ADGRL2: variants seen among roughly 807,000 people sequenced by gnomAD.
ADGRL2 encodes calcium-independent alpha-latrotoxin receptor 2.
Under a neutral mutation model 157.4 loss-of-function variants are expected in ADGRL2, and 44 were observed. The observed-to-expected ratio is 0.28, with a 90% CI of 0.22 to 0.36. The LOEUF is 0.36. ADGRL2 is among the 10% of genes least tolerant of loss of function. The probability of loss-of-function intolerance (pLI) is 1.00; values close to 1 mark genes in which losing one functional copy is unlikely to be tolerated. For synonymous variants in ADGRL2, 585 were observed against 624.7 expected, an observed-to-expected ratio of 0.94 and a Z score of 0.95; for missense variants, 1,510 against 1,768.9, an observed-to-expected ratio of 0.85 and a Z score of 2.63.
intron 18 of ADGRL2, chr1:81,980,834 A>T (rs554368428): frequency 2.8e-6 from 2 of 716,606 alleles, no homozygotes; most frequent in Non-Finnish European, 5.3e-6. Flanking sequence ...ATACGGACTT[A>T]CCTGGGTAAG....
chr1:81,664,367 C>T (rs1367888622), intron 3 of ADGRL2, among the ~76,000 whole-genome samples: 1 of 152,074 alleles, frequency 6.6e-6, no homozygotes, highest in African/African-American at 2.4e-5. Context: ...TGTACACCCC[C>T]TCAGAAAAGC....
At chr1:81,327,416 G>A (rs1254120937) in intron 1 of ADGRL2, among the ~76,000 whole-genome samples, 2 of 152,114 alleles carry the variant, frequency 1.3e-5, no homozygotes, top group Non-Finnish European at 2.9e-5. Flanking sequence ...TTGGAAATTC[G>A]AGGTGGAAAG....
At chr1:81,528,228 T>A (rs11163326) in intron 2 of ADGRL2, among the ~76,000 whole-genome samples, 83,477 of 151,646 alleles carry the variant, frequency 0.55, 23,952 homozygotes, top group East Asian at 0.66. Context: ...TTAGATATTT[T>A]GTTAGAGCAG....
chr1:81,563,086 C>T (rs943518781), intron 2 of ADGRL2, among the ~76,000 whole-genome samples: 1 of 152,088 alleles, frequency 6.6e-6, no homozygotes, highest in Non-Finnish European at 1.5e-5. Context: ...AAACATTTCT[C>T]AATATGACCT....
At chr1:81,650,558 G>A (rs1376915561) in intron 3 of ADGRL2, among the ~76,000 whole-genome samples, 1 of 139,854 alleles carries the variant, frequency 7.2e-6, no homozygotes, top group Non-Finnish European at 1.5e-5. Context: ...CCTGGCAACA[G>A]AGTGAGACTC....
chr1:81,622,603 T>G (rs1412064411), intron 3 of ADGRL2, among the ~76,000 whole-genome samples: 3 of 151,978 alleles, frequency 2.0e-5, no homozygotes, highest in Non-Finnish European at 4.4e-5. Flanking sequence ...CCTATGTTTT[T>G]GGGGGACCAG....
rs1662661750 is a variant in ADGRL2, at chr1:81,984,720, G to C, written c.3411+9G>C. 1 of 1,611,892 alleles carries C rather than the reference G, an allele frequency of 6.2e-7. No homozygotes were observed. The highest frequency in any genetic ancestry group is 8.5e-7 in the Non-Finnish European group (1 of 1,178,618). ...ATTCCTCTGGCACACAGGTAACAAA[G>C]AGTTTGACAGCATCTTTAATTAACC... On this transcript the variant is annotated intron_variant, in intron 20 of 23. Transcript: ENST00000686636.
chr1:81,836,953 G>A lies in ADGRL2; in HGVS notation c.-32G>A. The A allele has an allele frequency of 7.5e-7, 1 of 1,331,568 alleles. No individual in the cohort carries two copies. Among genetic ancestry groups the A allele is most frequent in the Non-Finnish European group, 1.0e-6 (1 of 953,408 alleles). The allele number at this position is 1,331,568 out of a possible 1,614,324, so 82.5% of individuals were successfully genotyped here. ...GGCATTTATAACTAGATTCATTAAG[G>A]AATACAAAGAAAATACTTAAAGGGA... On this transcript the variant is annotated 5_prime_UTR_variant, in exon 2 of 24. Coordinates refer to ENST00000686636, the MANE Select transcript of ADGRL2 (RefSeq NM_001366006.2).
chr1:81,530,335 TTTA>T (rs576849227), intron 2 of ADGRL2, among the ~76,000 whole-genome samples: 4 of 151,950 alleles, frequency 2.6e-5, no homozygotes, highest in Non-Finnish European at 5.9e-5. Context: ...TTCCTGTGAT[TTTA>T]TTATTATTAT....
chr1:81,687,648 T>C (rs2083256485), intron 3 of ADGRL2, among the ~76,000 whole-genome samples: 1 of 152,238 alleles, frequency 6.6e-6, no homozygotes, highest in Non-Finnish European at 1.5e-5. Flanking sequence ...AATGTTAGTA[T>C]TGAAATGTGA....
intron 1 of ADGRL2, among the ~76,000 whole-genome samples, chr1:81,743,782 T>C (rs545861762): frequency 1.3e-5 from 2 of 152,252 alleles, no homozygotes; most frequent in South Asian, 4.1e-4. Context: ...GAGTGGATCT[T>C]AATTTGTTCT....
intron 2 of ADGRL2, among the ~76,000 whole-genome samples, chr1:81,483,503 T>A (rs1298519839): frequency 6.6e-6 from 1 of 152,210 alleles, no homozygotes; most frequent in East Asian, 1.9e-4. Flanking sequence ...TAGCTACTTC[T>A]ATTTCAAGTA....
chr1:81,674,891 C>A (rs2082954291), intron 3 of ADGRL2, among the ~76,000 whole-genome samples: 1 of 152,032 alleles, frequency 6.6e-6, no homozygotes, highest in Non-Finnish European at 1.5e-5. Flanking sequence ...TATAGAAGAT[C>A]CTTGCAGGAA....
At chr1:81,623,829 G>A (rs1015665212) in intron 3 of ADGRL2, among the ~76,000 whole-genome samples, 1 of 151,946 alleles carries the variant, frequency 6.6e-6, no homozygotes, top group African/African-American at 2.4e-5. Context: ...TAGAGACGGA[G>A]TTTCACCATG....
intron 2 of ADGRL2, chr1:81,514,638 C>G (rs893513181): frequency 6.6e-6 from 1 of 151,560 alleles, no homozygotes; most frequent in Admixed American, 6.6e-5. Flanking sequence ...ACAGTTGTAT[C>G]AAAATCTTGT....
At chr1:81,907,588 AT>A (rs2148322248) in intron 3 of ADGRL2, among the ~76,000 whole-genome samples, 1 of 152,284 alleles carries the variant, frequency 6.6e-6, no homozygotes, top group South Asian at 2.1e-4. Flanking sequence ...GGTCTTTGGC[AT>A]TAGTTGCTAC....
chr1:81,419,785 A>G (rs1339888205), intron 1 of ADGRL2, among the ~76,000 whole-genome samples: 2 of 152,224 alleles, frequency 1.3e-5, no homozygotes, highest in Non-Finnish European at 1.5e-5. Context: ...AGTGCAGGAT[A>G]GGAGACCCAC....
intron 2 of ADGRL2, among the ~76,000 whole-genome samples, chr1:81,565,505 C>T (rs1430977275): frequency 6.6e-6 from 1 of 152,132 alleles, no homozygotes; most frequent in Non-Finnish European, 1.5e-5. Flanking sequence ...TTCAAAGAGG[C>T]ACTTGTGTTT....
chr1:81,752,166 G>A (rs2085509714), intron 1 of ADGRL2, among the ~76,000 whole-genome samples: 1 of 152,086 alleles, frequency 6.6e-6, no homozygotes, highest in Admixed American at 6.6e-5. Context: ...GAGATCCCAC[G>A]CCCCTTCCAC....
Sources: gnomAD v4.1 joint callset for allele counts (sites outside exome capture counted in the v4.1 genomes callset) on GRCh38, gnomAD v4.1.1 for gene constraint, MANE v1.5 for transcripts, NCBI Gene and HGNC (gene_info 2026-07-23, HGNC 2026-07-21) for gene names.